Variants in PARP9 observed in about 807,000 individuals in gnomAD.
PARP9 encodes the protein poly(ADP-ribose) polymerase family member 9.
PARP9 carries 48 observed loss-of-function variants against 68.8 expected under a neutral mutation model. The ratio of observed to expected loss-of-function variants is 0.70; its 90% confidence interval spans 0.55 to 0.89. The LOEUF is 0.89. Ranked by LOEUF, PARP9 falls within the 40% of genes least tolerant of loss-of-function variation. The pLI, the probability that PARP9 is intolerant of heterozygous loss-of-function variation, is 0.00. For missense variants in PARP9, 806 were observed against 969.3 expected (o/e 0.83, Z 2.24); for synonymous variants, 309 against 333.8 (o/e 0.93, Z 0.81).
chr3:122,536,457 A>C, intron 9 of PARP9, 115 bp from the exon 10 acceptor site: 1 of 1,460,702 alleles, frequency 6.8e-7, no homozygotes, highest in Non-Finnish European at 9.0e-7. Context: ...CTTTGCATGC[A>C]ATTCGCTTTT....
At chr3:122,563,704 C>T (rs1363979855) in intron 1 of PARP9, among the ~76,000 whole-genome samples, 2 of 152,024 alleles carry the variant, frequency 1.3e-5, no homozygotes, top group African/African-American at 4.8e-5. Context: ...GCTTTTCCCC[C>T]CAATCCTGTC....
chr3:122,564,169 G>T, intron 1 of PARP9, 76 bp downstream of exon 1: 1 of 480,062 alleles, frequency 2.1e-6, no homozygotes, highest in Non-Finnish European at 3.7e-6. Context: ...GTCCGCGCCC[G>T]TCCCCCTTCT....
Position 122,556,141 on chromosome 3 carries a change from T to TAAA in PARP9, c.50-23_50-21dup, listed in dbSNP as rs745677021. 1.3e-3 allele frequency: 263 copies of TAAA among 209,734 alleles called. 16 individuals carry two copies. Among genetic ancestry groups the TAAA allele is most frequent in the East Asian group, 3.3e-3 (46 of 13,842 alleles). The allele number at this position is 209,734 out of a possible 1,614,324, so 13.0% of individuals were successfully genotyped here. A position where few individuals can be genotyped will look rare whatever the true frequency, so the allele number is the denominator to read the frequency against. ...CAGTCTCTGGAAAAGAAGAGAAGAT[T>TAAA]AAAAAAAAAAAAAAAAAAAAAAAAA... On this transcript the variant is annotated intron_variant, in intron 3 of 10. Coordinates refer to ENST00000682323, the MANE Select transcript of PARP9 (RefSeq NM_001146105.2).
chr3:122,528,572 G>A lies in PARP9; in HGVS notation c.2252C>T (p.Pro751Leu), dbSNP rs765353826. 3.1e-6 allele frequency: 5 copies of A among 1,614,072 alleles called. No homozygotes were observed. Among genetic ancestry groups the A allele is most frequent in the Non-Finnish European group, 4.2e-6 (5 of 1,180,052 alleles). ...ACTGTCATGACCATCTATAGCTCCAGGACTCAGTGGTGGGGGAACAATATT... is the reference window on the plus strand; with the variant it reads ...ACTGTCATGACCATCTATAGCTCCAAGACTCAGTGGTGGGGGAACAATATT... ...PLNIVPPPLS[P>L]GAIDGHDSVV... Residue 751 changes from proline (P) to leucine (L), a missense_variant, in exon 11 of 11, where the codon CCT becomes CTT. This residue lies in a region of PARP9 where 680 missense variants were observed against 858.8 expected (regional missense o/e 0.79). Transcript: ENST00000682323.
At chr3:122,536,049 A>T (rs1258367273) in intron 10 of PARP9, 119 bp downstream of exon 10, 1 of 1,580,108 alleles carries the variant, frequency 6.3e-7, no homozygotes, top group East Asian at 2.3e-5. Flanking sequence ...GTGACCTCTA[A>T]ATCACAGTCA....
chr3:122,552,362 A>T, intron 5 of PARP9, 56 bp downstream of exon 5: 1 of 1,325,564 alleles, frequency 7.5e-7, no homozygotes, highest in Non-Finnish European at 1.0e-6. Context: ...TTGTTTAAAA[A>T]AAAAAGACTG....
intron 6 of PARP9, among the ~76,000 whole-genome samples, chr3:122,547,618 T>G (rs1466177371): frequency 6.6e-6 from 1 of 152,016 alleles, no homozygotes; most frequent in Non-Finnish European, 1.5e-5. Context: ...TTTGGGAGGC[T>G]GAGGTGGGAG....
chr3:122,556,236 G>C, intron 3 of PARP9, 115 bp from the exon 4 acceptor site: 1 of 692,200 alleles, frequency 1.4e-6, no homozygotes, highest in Admixed American at 3.6e-5. Context: ...ATGTGCAAAA[G>C]AGAGATGAAC....
intron 9 of PARP9, 139 bp from the exon 10 acceptor site, chr3:122,536,481 A>C: frequency 7.1e-7 from 1 of 1,401,630 alleles, no homozygotes; most frequent in Non-Finnish European, 9.4e-7. Flanking sequence ...AGAAAGTTGC[A>C]AAAGAGTCTC....
chr3:122,562,156 C>CTCTTTTCTTTTTTCTTTTCTTT (rs201875467), intron 1 of PARP9, among the ~76,000 whole-genome samples: 7 of 141,180 alleles, frequency 5.0e-5, no homozygotes, highest in Admixed American at 2.1e-4. Context: ...TGGCAATATA[C>CTCTTTTCTTTTTTCTTTTCTTT]TCTTTTCTTT....
In PARP9 at chr3:122,556,078, A is replaced by G. The variant is rs1235270356; in HGVS notation, c.93T>C (p.Ile31=). The change falls in exon 4 of 11, where the codon ATT becomes ATC. Residue 31 remains isoleucine (I), a synonymous_variant. Coordinates refer to ENST00000682323, the MANE Select transcript of PARP9 (RefSeq NM_001146105.2). Reference sequence around the variant, plus strand: ...TTAAAATTTTGAAGTCATTGTGGTTAATGGGAATTTGCCAACTATAGTTTT... The same window carrying G: ...TTAAAATTTTGAAGTCATTGTGGTTGATGGGAATTTGCCAACTATAGTTTT... ...LGENYSWQIP[I]NHNDFKILKN... is the part of the protein sequence containing the mutation. 19 of 1,519,208 alleles carry G rather than the reference A, an allele frequency of 1.3e-5. No individual in the cohort carries two copies. The highest frequency in any genetic ancestry group is 1.2e-5 in the Non-Finnish European group (14 of 1,120,470). The allele number at this position is 1,519,208 out of a possible 1,614,324, so 94.1% of individuals were successfully genotyped here.
intron 1 of PARP9, among the ~76,000 whole-genome samples, chr3:122,561,844 A>T (rs934402520): frequency 1.3e-5 from 2 of 151,690 alleles, no homozygotes; most frequent in African/African-American, 4.8e-5. Context: ...CCATTTTTCA[A>T]CTCCACCTGG....
chr3:122,547,205 C>G (rs1365880898), intron 6 of PARP9, among the ~76,000 whole-genome samples: 2 of 149,684 alleles, frequency 1.3e-5, no homozygotes, highest in African/African-American at 4.9e-5. Flanking sequence ...AGTGATTCTC[C>G]TGCCTCAGCC....
intron 7 of PARP9, among the ~76,000 whole-genome samples, chr3:122,545,129 C>T (rs72960484): frequency 0.016 from 2,466 of 152,178 alleles, 66 homozygotes; most frequent in African/African-American, 0.057. Context: ...GACTGAATGC[C>T]AGTTTATGGA....
intron 8 of PARP9, among the ~76,000 whole-genome samples, chr3:122,539,507 A>ATTTCTTTCTTTCTTTCCTTCTTTC (rs2077943229): frequency 7.5e-6 from 1 of 133,162 alleles, no homozygotes. Flanking sequence ...CCAAGATGGC[A>ATTTCTTTCTTTCTTTCCTTCTTTC]TTTCTTTCTT....
chr3:122,561,638 C>A (rs2080212629), intron 1 of PARP9, among the ~76,000 whole-genome samples: 1 of 152,194 alleles, frequency 6.6e-6, no homozygotes, highest in Admixed American at 6.5e-5. Flanking sequence ...CTTCACTTTG[C>A]CTTTACAGGC....
At chr3:122,560,144 A>G (rs1477394439) in intron 1 of PARP9, among the ~76,000 whole-genome samples, 11 of 152,194 alleles carry the variant, frequency 7.2e-5, no homozygotes, top group Admixed American at 7.2e-4. Flanking sequence ...AGGAAATGCC[A>G]CTAGAGCCTG....
rs556374592 is a variant in PARP9, at chr3:122,560,085, G to A, written c.-89-376C>T. The stretch of plus-strand genomic sequence containing the variant: ...ACAGCATTCAAAGAACAGTAAAGAA[G>A]ACCGAGCTTATGAGTGAGTGAAGCC... On this transcript the variant is annotated intron_variant, in intron 1 of 10. Transcript: ENST00000682323. 5.3e-5 allele frequency among the ~76,000 whole-genome samples: 8 copies of A among 152,296 alleles called. No individual in the cohort carries two copies. In the East Asian group the frequency reaches 1.5e-3, roughly 29 times the overall value.
At chr3:122,531,667 C>A (rs1022284297) in intron 10 of PARP9, 1 of 152,014 alleles carries the variant, frequency 6.6e-6, no homozygotes, top group African/African-American at 2.4e-5. Context: ...ATTTTTAATT[C>A]ACAGAAGAGA....
Sources: gnomAD v4.1 joint callset for allele counts (sites outside exome capture counted in the v4.1 genomes callset) on GRCh38, gnomAD v4.1.1 for gene constraint, gnomAD v4.1.1 regional missense constraint, MANE v1.5 for transcripts, NCBI Gene and HGNC (gene_info 2026-07-23, HGNC 2026-07-21) for gene names.